Variants in PAPLN observed in about 807,000 individuals in gnomAD.
PAPLN encodes papilin.
PAPLN carries 146 observed loss-of-function variants against 159.0 expected under a neutral mutation model. That is an observed-to-expected ratio of 0.92 (90% CI 0.80 to 1.05). PAPLN has a LOEUF of 1.05. Ranked by LOEUF, PAPLN falls within the 50% of genes least tolerant of loss-of-function variation. The pLI, the probability that PAPLN is intolerant of heterozygous loss-of-function variation, is 0.00. For synonymous variants in PAPLN, 734 were observed against 702.9 expected, an observed-to-expected ratio of 1.04 and a Z score of -0.70; for missense variants, 1,720 against 1,743.9, an observed-to-expected ratio of 0.99 and a Z score of 0.24.
chr14:73,272,163 A>C, intron 26 of PAPLN: 1 of 197,914 alleles, frequency 5.1e-6, no homozygotes, highest in Non-Finnish European at 1.0e-5. Flanking sequence ...TTAGTAATTC[A>C]GGTCTCAAAC....
At position 73,261,165 on chromosome 14, in the gene PAPLN, A is replaced by G. The variant is rs747112766; in HGVS notation, c.2116A>G (p.Thr706Ala). 6.2e-7 allele frequency: 1 copy of G among 1,613,704 alleles called. No homozygotes were observed. Among genetic ancestry groups the G allele is most frequent in the Admixed American group, 1.7e-5 (1 of 59,974 alleles). Residue 706 changes from threonine (T) to alanine (A), a missense_variant, in exon 18 of 27, where the codon ACC (threonine) becomes GCC (alanine). Coordinates refer to ENST00000644200, the MANE Select transcript of PAPLN (RefSeq NM_001365906.3). ...SRAVASTVHN[T>A]HQPQAQQNEP... Reference sequence around the variant, plus strand: ...TGGGTTTCCTCCCCAGGTCCACAACACCCACCAGCCCCAGGCCCAGCAGAA... The same window carrying G: ...TGGGTTTCCTCCCCAGGTCCACAACGCCCACCAGCCCCAGGCCCAGCAGAA...
rs1436031582 is a variant in PAPLN at position 73,251,855 on chromosome 14, A to G, written c.843+19A>G. On this transcript the variant is annotated intron_variant, in intron 9 of 26. Transcript: ENST00000644200. ...CATCGAGGTAAATGGGGGTGTGGGG[A>G]GAGAGGGCGAGTGGGCAGCTCGTGG... 6.3e-7 allele frequency: 1 copy of G among 1,579,196 alleles called. No homozygotes were observed. Among genetic ancestry groups the G allele is most frequent in the South Asian group, 1.2e-5 (1 of 86,720 alleles).
intron 19 of PAPLN, 82 bp from the exon 20 acceptor site, chr14:73,263,559 GCTGT>G: frequency 3.2e-6 from 5 of 1,562,134 alleles, no homozygotes; most frequent in Non-Finnish European, 4.4e-6. Context: ...TGGGCCCCAA[GCTGT>G]CTGTCATGGA....
At chr14:73,268,775 C>G (rs749322567) in intron 26 of PAPLN, 52 bp downstream of exon 26, 65 of 1,522,974 alleles carry the variant, frequency 4.3e-5, no homozygotes, top group Non-Finnish European at 5.6e-5. Flanking sequence ...AGTAGATTTA[C>G]TGGTTCTCAA....
intron 18 of PAPLN, chr14:73,262,109 A>G: frequency 2.2e-6 from 1 of 458,312 alleles, no homozygotes; most frequent in African/African-American, 2.0e-5. Context: ...CTGACCTCCC[A>G]GAGGCTCTAG....
Position 73,265,844 on chromosome 14 carries a change from C to G in PAPLN, c.3263+337C>G, listed in dbSNP as rs1225167254. On this transcript the variant is annotated intron_variant, in intron 23 of 26. Coordinates refer to ENST00000644200, the MANE Select transcript of PAPLN (RefSeq NM_001365906.3). The surrounding 1 kb of genome is among the most constrained non-coding windows in gnomAD (Gnocchi z 4.1). ...AGGCACTGAGTATGAGGCTTGTGCT[C>G]TATCACGTGACCTGCAAAAAAGCCA... Among the ~76,000 whole-genome samples the G allele has an allele frequency of 6.6e-6, 1 of 152,218 alleles. No homozygotes were observed. Among genetic ancestry groups the G allele is most frequent in the African/African-American group, 2.4e-5 (1 of 41,456 alleles).
Position 73,262,555 on chromosome 14 carries a change from G to T in PAPLN, c.2451G>T (p.Gly817=). 1 of 1,567,994 alleles carries T rather than the reference G, an allele frequency of 6.4e-7. No homozygotes were observed. ...ATGGGCCCCGTCGTCCCCAGCCTGG[G>T]GCTTCTGGAAGGAGCACCCACACGG... ...SLHGPRRPQP[G]ASGRSTHTDG... Residue 817 remains glycine (G), a synonymous_variant, in exon 19 of 27, where the codon GGG becomes GGT. Transcript: ENST00000644200.
At chr14:73,260,254 C>T (rs956152965) in intron 16 of PAPLN, among the ~76,000 whole-genome samples, 1 of 152,218 alleles carries the variant, frequency 6.6e-6, no homozygotes, top group Non-Finnish European at 1.5e-5. Flanking sequence ...ACAGAGAGGG[C>T]GCCGGGCACC....
rs1883317388 is a variant in PAPLN, at chr14:73,239,666, C to G, written c.-6-107C>G. 3.4e-6 allele frequency: 5 copies of G among 1,483,586 alleles called. No homozygotes were observed. The South Asian group carries it at 5.1e-5, about 15-fold the overall frequency. The allele number at this position is 1,483,586 out of a possible 1,614,324, so 91.9% of individuals were successfully genotyped here. On this transcript the variant is annotated intron_variant, in intron 1 of 26. Coordinates refer to ENST00000644200, the MANE Select transcript of PAPLN (RefSeq NM_001365906.3). ...CACCCGGCTGTCCTGTTGCGGGTCT[C>G]CTGGTCACCTGTGGGCCATAGGGAG...
Position 73,253,853 on chromosome 14 carries a change from G to A in PAPLN, c.1194G>A (p.Gln398=). Residue 398 remains glutamine, a synonymous_variant, in exon 12 of 27, where the codon CAG becomes CAA. Coordinates refer to ENST00000644200, the MANE Select transcript of PAPLN (RefSeq NM_001365906.3). ...YCISSDGAGI[Q]EAVEEAECAG... ...TCTCGTCTGACGGGGCCGGCATCCA[G>A]GAGGCCGTGGAGGAGGCTGAGTGTG... The A allele has an allele frequency of 6.2e-7, 1 of 1,613,666 alleles. No individual in the cohort carries two copies. The highest frequency in any genetic ancestry group is 8.5e-7 in the Non-Finnish European group (1 of 1,179,974).
chr14:73,263,456 G>C (rs1334246310), intron 19 of PAPLN, 189 bp from the exon 20 acceptor site: 11 of 676,586 alleles, frequency 1.6e-5, no homozygotes, highest in Admixed American at 2.6e-5. Flanking sequence ...GGAGCCGGGG[G>C]CAGGTTGGGG....
intron 14 of PAPLN, among the ~76,000 whole-genome samples, chr14:73,257,013 C>G (rs1292684299): frequency 6.6e-6 from 1 of 152,058 alleles, no homozygotes; most frequent in Non-Finnish European, 1.5e-5. Flanking sequence ...TCTCTGTTGC[C>G]CAGGCTGCAG....
chr14:73,246,642 C>CTTTTTTTTTTTTTTTTT (rs60063397), intron 5 of PAPLN, among the ~76,000 whole-genome samples: 5 of 116,858 alleles, frequency 4.3e-5, no homozygotes, highest in Non-Finnish European at 8.9e-5. Context: ...TTCTTTCTTT[C>CTTTTTTTTTTTTTTTTT]TTTTTTTTTT....
At position 73,250,126 on chromosome 14, in the gene PAPLN, C is replaced by T; in HGVS notation, c.465+12C>T. ...ATGGCAGCTGCCGGGTGAGTGGTGC[C>T]CCAGCCCCTCCCTGCCTCCGGGCTG... is the stretch of plus-strand genomic sequence containing the variant. On this transcript the variant is annotated intron_variant, in intron 6 of 26. Transcript: ENST00000644200. 6.3e-7 allele frequency: 1 copy of T among 1,598,076 alleles called. No individual in the cohort carries two copies. The highest frequency in any genetic ancestry group is 1.3e-5 in the African/African-American group (1 of 74,786).
At chr14:73,238,982 TAC>T (rs1424778563) in intron 1 of PAPLN, among the ~76,000 whole-genome samples, 2 of 152,342 alleles carry the variant, frequency 1.3e-5, no homozygotes, top group Admixed American at 6.5e-5. Context: ...TATGTACACA[TAC>T]ACACTGCACA....
chr14:73,272,522 G>GC lies in PAPLN; in HGVS notation c.3696dup (p.Arg1233GlnfsTer13). 6.4e-7 allele frequency: 1 copy of GC among 1,571,070 alleles called. No individual in the cohort carries two copies. Among genetic ancestry groups the GC allele is most frequent in the African/African-American group, 1.3e-5 (1 of 74,308 alleles). ...CCCACCGCCCAGCCCAGGGACCCTG[G>GC]CAGGGACTGCGTCGACCAGCCAGAG... On this transcript the variant is annotated frameshift_variant, in exon 27 of 27. Transcript: ENST00000644200. LOFTEE classifies it high-confidence loss of function.
At chr14:73,272,348 G>A in intron 26 of PAPLN, 147 bp from the exon 27 acceptor site, 1 of 708,012 alleles carries the variant, frequency 1.4e-6, no homozygotes, top group Non-Finnish European at 2.2e-6. Flanking sequence ...TGTACGTATG[G>A]TTAAAAGGTT....
chr14:73,250,573 C>T (rs186252529), intron 6 of PAPLN, among the ~76,000 whole-genome samples: 175 of 152,232 alleles, frequency 1.1e-3, no homozygotes, highest in Middle Eastern at 6.8e-3. Flanking sequence ...TTCTAGCCAC[C>T]GGGGGTTGTC....
chr14:73,268,763 C>G (rs780285178), intron 26 of PAPLN, 40 bp downstream of exon 26: 3 of 1,546,946 alleles, frequency 1.9e-6, no homozygotes, highest in South Asian at 2.5e-5. Context: ...AGGACATTCC[C>G]CAGTAGATTT....
Sources: allele counts gnomAD v4.1 joint callset (sites outside exome capture counted in the v4.1 genomes callset), GRCh38; gene constraint gnomAD v4.1.1; non-coding constraint Gnocchi (gnomAD v3.1); transcripts MANE v1.5; gene names NCBI Gene and HGNC (gene_info 2026-07-23, HGNC 2026-07-21).